The following SPINK6 variants were observed in gnomAD, a reference collection of about 807,000 sequenced individuals.
The protein encoded by SPINK6 is serine protease inhibitor Kazal-type 6.
A neutral mutation model predicts 11.7 loss-of-function variants in SPINK6; 13 were observed. That is an observed-to-expected ratio of 1.11 (90% CI 0.72 to 1.76). The LOEUF (loss-of-function observed/expected upper bound fraction) is 1.76, where lower values mean the gene tolerates loss of function less well. Among genes scored for constraint, SPINK6 ranks in the 40% most tolerant of loss-of-function variants. The pLI is 0.00. For synonymous variants in SPINK6, 21 were observed against 31.9 expected (o/e 0.66, Z 1.15); for missense variants, 98 against 93.7 (o/e 1.05, Z -0.19).
intron 2 of SPINK6, among the ~76,000 whole-genome samples, chr5:148,212,633 TTA>T (rs1231427142): frequency 1.1e-4 from 11 of 102,410 alleles, no homozygotes; most frequent in Middle Eastern, 5.0e-3. Flanking sequence ...ATATTATATA[TTA>T]TATATAATAT....
chr5:148,212,950 C>T (rs1029077407), intron 2 of SPINK6, among the ~76,000 whole-genome samples: 15 of 146,610 alleles, frequency 1.0e-4, no homozygotes, highest in African/African-American at 3.7e-4. Flanking sequence ...TTTATATATA[C>T]ATATCCTATA....
intron 2 of SPINK6, among the ~76,000 whole-genome samples, chr5:148,212,597 TAA>T (rs1491478937): frequency 3.8e-5 from 4 of 106,078 alleles, no homozygotes; most frequent in African/African-American, 1.6e-4. Flanking sequence ...ATATTTTATA[TAA>T]TATATAATAT....
At chr5:148,209,997 C>CACGTACTTAT in intron 2 of SPINK6, among the ~76,000 whole-genome samples, 1 of 145,992 alleles carries the variant, frequency 6.8e-6, no homozygotes, top group African/African-American at 2.5e-5. Context: ...TACATATACA[C>CACGTACTTAT]GTATGTATAC....
rs189247188 is a variant in SPINK6, at chr5:148,212,452, A to G, written c.82-1458A>G. Among the ~76,000 whole-genome samples the G allele has an allele frequency of 7.6e-5, 9 of 119,164 alleles. No individual in the cohort carries two copies. The East Asian group carries it at 2.0e-3, about 27-fold the overall frequency. 78.2% of individuals were successfully genotyped at this position (119,164 alleles called of 152,430 possible). A position where few individuals can be genotyped will look rare whatever the true frequency, so the allele number is the denominator to read the frequency against. ...TTGAGACTAGCTAGGGCAACAGAGG[A>G]AGACTCTATCTCTAAAATACATATT... On this transcript the variant is annotated intron_variant, in intron 2 of 3. Transcript: ENST00000325630.
At chr5:148,211,064 C>A (rs1013033394) in intron 2 of SPINK6, among the ~76,000 whole-genome samples, 1 of 152,084 alleles carries the variant, frequency 6.6e-6, no homozygotes, top group African/African-American at 2.4e-5. Context: ...TATGAATAAT[C>A]CTGAGTCTTT....
Position 148,203,085 on chromosome 5 carries a change from C to T in SPINK6, c.-12C>T. On this transcript the variant is annotated 5_prime_UTR_variant, in exon 1 of 4. Transcript: ENST00000325630. ...ACAAAGCAGCCTTGATCTGAGTGAG[C>T]TAACTGACACAATGAAACTGTCAGG... 6 of 1,606,394 alleles carry T rather than the reference C, an allele frequency of 3.7e-6. No individual in the cohort carries two copies. Among genetic ancestry groups the T allele is most frequent in the Non-Finnish European group, 5.1e-6 (6 of 1,177,902 alleles).
chr5:148,212,539 AG>A lies in SPINK6; in HGVS notation c.82-1370del, dbSNP rs1321000256. Reference sequence around the variant, plus strand: ...ATATATAAAGTATATATTTTATATAAGTATATATTTATATATTTATATAATA... The same window carrying A: ...ATATATAAAGTATATATTTTATATAATATATATTTATATATTTATATAATA... On this transcript the variant is annotated intron_variant, in intron 2 of 3. Transcript: ENST00000325630. Among the ~76,000 whole-genome samples the A allele has an allele frequency of 7.9e-4, 24 of 30,224 alleles. No homozygotes were observed. The East Asian group carries it at 0.02, about 25-fold the overall frequency. 19.8% of individuals were successfully genotyped at this position (30,224 alleles called of 152,430 possible).
intron 3 of SPINK6, 26 bp downstream of exon 3, chr5:148,214,051 AC>A: frequency 7.1e-7 from 1 of 1,400,354 alleles, no homozygotes; most frequent in Non-Finnish European, 1.0e-6. Flanking sequence ...ATCAAAGCTG[AC>A]CCTTGCAAAC....
At position 148,214,897 on chromosome 5, in the gene SPINK6, T is replaced by A. The variant is rs931312968; in HGVS notation, c.198-8T>A. 1.2e-6 allele frequency: 2 copies of A among 1,613,078 alleles called. No individual in the cohort carries two copies. The highest frequency in any genetic ancestry group is 1.7e-6 in the Non-Finnish European group (2 of 1,179,380). Reference sequence around the variant, plus strand: ...CACTGAGTATATATTTGTCTTTCTTTTTTGTAGGAAAAGTGGTGGAAAGAT... The same window carrying A: ...CACTGAGTATATATTTGTCTTTCTTATTTGTAGGAAAAGTGGTGGAAAGAT... On this transcript the variant is annotated splice_polypyrimidine_tract_variant and splice_region_variant and intron_variant, in intron 3 of 3. Transcript: ENST00000325630.
intron 2 of SPINK6, among the ~76,000 whole-genome samples, chr5:148,212,619 TTA>T (rs1385916376): frequency 9.7e-6 from 1 of 102,952 alleles, no homozygotes; most frequent in African/African-American, 4.2e-5. Context: ...TATATTTATA[TTA>T]TATATTATAT....
rs148299666 is a variant in SPINK6, at chr5:148,210,069, T to C, written c.82-3841T>C. ...ATGCATATATGTATGTATATGTATG[T>C]ATGCATATATGTATGCATGTTTACA... On this transcript the variant is annotated intron_variant, in intron 2 of 3. Coordinates refer to ENST00000325630, the MANE Select transcript of SPINK6 (RefSeq NM_205841.4). Among the ~76,000 whole-genome samples, 67 of 106,750 alleles carry C rather than the reference T, an allele frequency of 6.3e-4. No homozygotes were observed. The East Asian group carries it at 0.014, about 22-fold the overall frequency. 70.0% of individuals were successfully genotyped at this position (106,750 alleles called of 152,430 possible).
Position 148,203,205 on chromosome 5 carries a change from G to C in SPINK6, c.58+51G>C, listed in dbSNP as rs1755456817. On this transcript the variant is annotated intron_variant, in intron 1 of 3. Coordinates refer to ENST00000325630, the MANE Select transcript of SPINK6 (RefSeq NM_205841.4). Reference sequence around the variant, plus strand: ...CCCATATTTATACTGAACTGGATATGATGAGTAGTTGTTTATCATATTTTA... The same window carrying C: ...CCCATATTTATACTGAACTGGATATCATGAGTAGTTGTTTATCATATTTTA... 4 of 1,307,130 alleles carry C rather than the reference G, an allele frequency of 3.1e-6. No individual in the cohort carries two copies. In the East Asian group the frequency reaches 7.0e-5, roughly 23 times the overall value. The allele number at this position is 1,307,130 out of a possible 1,614,324, so 81.0% of individuals were successfully genotyped here.
intron 2 of SPINK6, among the ~76,000 whole-genome samples, chr5:148,210,558 T>G (rs1755584550): frequency 6.6e-6 from 1 of 151,780 alleles, no homozygotes; most frequent in South Asian, 2.1e-4. Flanking sequence ...AAAAATATTC[T>G]GGGATTTTTC....
At chr5:148,212,672 A>AT (rs1755625791) in intron 2 of SPINK6, among the ~76,000 whole-genome samples, 1 of 105,578 alleles carries the variant, frequency 9.5e-6, no homozygotes, top group South Asian at 2.4e-4. Context: ...ATATTTATAT[A>AT]ATATATATTT....
rs751063447 is a variant in SPINK6, at chr5:148,203,074, A to T, written c.-23A>T. On this transcript the variant is annotated 5_prime_UTR_variant, in exon 1 of 4. Transcript: ENST00000325630. Reference sequence around the variant, plus strand: ...ACCTCAGCTGGACAAAGCAGCCTTGATCTGAGTGAGCTAACTGACACAATG... The same window carrying T: ...ACCTCAGCTGGACAAAGCAGCCTTGTTCTGAGTGAGCTAACTGACACAATG... 1.9e-6 allele frequency: 3 copies of T among 1,600,256 alleles called. No homozygotes were observed. The highest frequency in any genetic ancestry group is 2.6e-6 in the Non-Finnish European group (3 of 1,175,582).
chr5:148,212,822 CTA>C (rs1042861878), intron 2 of SPINK6, among the ~76,000 whole-genome samples: 18 of 135,426 alleles, frequency 1.3e-4, no homozygotes, highest in Non-Finnish European at 3.1e-5. Flanking sequence ...CATAGCAAGA[CTA>C]TCTCTAAAGT....
chr5:148,213,556 A>T (rs1375570809), intron 2 of SPINK6, among the ~76,000 whole-genome samples: 4 of 152,234 alleles, frequency 2.6e-5, no homozygotes, highest in Admixed American at 6.5e-5. Flanking sequence ...TATGATGTTT[A>T]AAAAGTCGTT....
At chr5:148,212,619 T>TAA (rs1261902576) in intron 2 of SPINK6, among the ~76,000 whole-genome samples, 18 of 102,924 alleles carry the variant, frequency 1.7e-4, no homozygotes, top group African/African-American at 5.8e-4. Flanking sequence ...TATATTTATA[T>TAA]TATATATTAT....
Position 148,214,067 on chromosome 5 carries a change from A to T in SPINK6, c.197+42A>T, listed in dbSNP as rs747915294. The T allele has an allele frequency of 1.7e-5, 21 of 1,235,122 alleles. No homozygotes were observed. In the African/African-American group the frequency reaches 2.9e-4, roughly 17 times the overall value. The allele number at this position is 1,235,122 out of a possible 1,614,324, so 76.5% of individuals were successfully genotyped here. A position where few individuals can be genotyped will look rare whatever the true frequency, so the allele number is the denominator to read the frequency against. ...TCAAAGCTGACCCTTGCAAACACAA[A>T]CTTCCATAATAAGACTAAGACACTT... On this transcript the variant is annotated intron_variant, in intron 3 of 3. Transcript: ENST00000325630.
Sources: allele counts gnomAD v4.1 joint callset (sites outside exome capture counted in the v4.1 genomes callset), GRCh38; gene constraint gnomAD v4.1.1; transcripts MANE v1.5; gene names NCBI Gene and HGNC (gene_info 2026-07-23, HGNC 2026-07-21).